Variants in BLTP3A observed in about 807,000 individuals in gnomAD.
The protein encoded by BLTP3A is bridge-like lipid transfer protein family member 3A, also known as ICBP90 binding protein 1.
the BLTP3A span, among the ~76,000 whole-genome samples, chr6:34,793,361 T>C: frequency 6.6e-6 from 1 of 152,204 alleles, no homozygotes; most frequent in Non-Finnish European, 1.5e-5. Context: ...AGGGCTTGGC[T>C]GCACAGTGGT....
chr6:34,821,446 G>A, the BLTP3A span: 23 of 527,038 alleles, frequency 4.4e-5, no homozygotes, highest in Non-Finnish European at 7.1e-5. Flanking sequence ...ATTTGTTCTG[G>A]CTGGTCTGAG....
chr6:34,859,464 C>T, the BLTP3A span: 19 of 1,614,182 alleles, frequency 1.2e-5, no homozygotes, highest in Admixed American at 6.7e-5. Context: ...TACATGCCAC[C>T]ATGGACCTCA....
chr6:34,867,601 C>T, the BLTP3A span: 1 of 1,612,842 alleles, frequency 6.2e-7, no homozygotes, highest in South Asian at 1.1e-5. Context: ...GCAGTTCCTG[C>T]ATGGACAGTG....
At chr6:34,812,964 T>C in the BLTP3A span, among the ~76,000 whole-genome samples, 4 of 152,192 alleles carry the variant, frequency 2.6e-5, no homozygotes, top group African/African-American at 9.7e-5. Flanking sequence ...TGTGGCTTAG[T>C]AGTGAAAATA....
At chr6:34,874,619 T>C in the BLTP3A span, 2 of 152,134 alleles carry the variant, frequency 1.3e-5, no homozygotes, top group Non-Finnish European at 2.9e-5. Flanking sequence ...CAACATAATA[T>C]AAGGAAATGT....
At chr6:34,811,555 A>G in the BLTP3A span, among the ~76,000 whole-genome samples, 7 of 152,002 alleles carry the variant, frequency 4.6e-5, no homozygotes, top group Non-Finnish European at 7.4e-5. Flanking sequence ...TATTGAGACT[A>G]TCTCTACAAA....
At chr6:34,799,566 A>C in the BLTP3A span, among the ~76,000 whole-genome samples, 1 of 152,220 alleles carries the variant, frequency 6.6e-6, no homozygotes, top group Non-Finnish European at 1.5e-5. Context: ...ATTCAACAGC[A>C]TAATATATGG....
At chr6:34,858,972 A>G in the BLTP3A span, 4 of 1,613,930 alleles carry the variant, frequency 2.5e-6, no homozygotes, top group Non-Finnish European at 3.4e-6. Flanking sequence ...CTTGCATTGG[A>G]GTTCTCTTTC....
chr6:34,861,267 A>G, the BLTP3A span, among the ~76,000 whole-genome samples: 69 of 152,182 alleles, frequency 4.5e-4, no homozygotes, highest in Middle Eastern at 6.8e-3. Flanking sequence ...CTGGGACCAC[A>G]GGCATGCGCC....
At chr6:34,793,294 G>C in the BLTP3A span, among the ~76,000 whole-genome samples, 1 of 152,216 alleles carries the variant, frequency 6.6e-6, no homozygotes, top group Non-Finnish European at 1.5e-5. Flanking sequence ...TTCCATGCTG[G>C]AGTTGGTGAT....
At chr6:34,796,517 T>G in the BLTP3A span, among the ~76,000 whole-genome samples, 1 of 152,230 alleles carries the variant, frequency 6.6e-6, no homozygotes, top group East Asian at 1.9e-4. Flanking sequence ...GGAAGAAACC[T>G]TTTCTTAGAA....
the BLTP3A span, among the ~76,000 whole-genome samples, chr6:34,868,260 C>T: frequency 3.3e-5 from 5 of 151,382 alleles, no homozygotes; most frequent in South Asian, 4.2e-4. Flanking sequence ...GAGCTGAGAT[C>T]GTGCCATTGC....
the BLTP3A span, among the ~76,000 whole-genome samples, chr6:34,832,062 C>G: frequency 2.0e-5 from 3 of 151,968 alleles, no homozygotes; most frequent in Non-Finnish European, 2.9e-5. Context: ...ATCCACCCAC[C>G]TCCACCTCCC....
the BLTP3A span, among the ~76,000 whole-genome samples, chr6:34,847,208 G>A: frequency 6.6e-6 from 1 of 151,768 alleles, no homozygotes; most frequent in Non-Finnish European, 1.5e-5. Context: ...AGGAAGATCG[G>A]CCTGTAGTTT....
At chr6:34,841,476 GTTCATT>G in the BLTP3A span, among the ~76,000 whole-genome samples, 2 of 152,156 alleles carry the variant, frequency 1.3e-5, no homozygotes, top group Admixed American at 1.3e-4. Flanking sequence ...ACAATTAAAA[GTTCATT>G]TTCATTTTAA....
chr6:34,816,115 A>G, the BLTP3A span, among the ~76,000 whole-genome samples: 1 of 152,218 alleles, frequency 6.6e-6, no homozygotes, highest in African/African-American at 2.4e-5. Flanking sequence ...GGAACTGTAA[A>G]TAGAGTTAGA....
chr6:34,840,933 C>T, the BLTP3A span, among the ~76,000 whole-genome samples: 2 of 151,832 alleles, frequency 1.3e-5, no homozygotes, highest in African/African-American at 4.8e-5. Flanking sequence ...TTAAATACTG[C>T]TTTCATATAG....
the BLTP3A span, among the ~76,000 whole-genome samples, chr6:34,827,616 CTGTTTTTGTTTGTT>C: frequency 6.6e-6 from 1 of 152,018 alleles, no homozygotes; most frequent in Non-Finnish European, 1.5e-5. Flanking sequence ...GGTCAAAATA[CTGTTTTTGTTTGTT>C]TGTTTTGTTT....
At chr6:34,872,430 G>A in the BLTP3A span, 1 of 1,609,030 alleles carries the variant, frequency 6.2e-7, no homozygotes, top group South Asian at 1.1e-5. Context: ...CCCCTTCTTT[G>A]AGCTCTGAAA....
Sources: allele counts gnomAD v4.1 joint callset (sites outside exome capture counted in the v4.1 genomes callset), GRCh38; gene constraint gnomAD v4.1.1; transcripts MANE v1.5; gene names NCBI Gene and HGNC (gene_info 2026-07-23, HGNC 2026-07-21).